VDR: variants seen among roughly 807,000 people sequenced by gnomAD.
VDR encodes vitamin D3 receptor.
In VDR, 19 loss-of-function variants were observed where a neutral mutation model predicts 39.7. The ratio of observed to expected loss-of-function variants is 0.48; its 90% CI spans 0.33 to 0.70. VDR has a LOEUF of 0.70. Ranked by LOEUF, VDR falls within the 30% of genes least tolerant of loss-of-function variation. VDR has a pLI of 0.02. For synonymous variants in VDR, 242 were observed against 215.8 expected (o/e 1.12, Z -1.07); for missense variants, 442 against 570.5 (o/e 0.77, Z 2.29).
chr12:47,898,021 G>A (rs761803969), intron 1 of VDR, among the ~76,000 whole-genome samples: 4 of 152,196 alleles, frequency 2.6e-5, no homozygotes, highest in Non-Finnish European at 4.4e-5. Flanking sequence ...TGAGCACATA[G>A]TATGGGCTCA....
At chr12:47,877,922 C>T (rs1946040917) in intron 3 of VDR, among the ~76,000 whole-genome samples, 1 of 152,216 alleles carries the variant, frequency 6.6e-6, no homozygotes, top group African/African-American at 2.4e-5. Context: ...CCATGAAACT[C>T]TGGGCCTGCT....
chr12:47,888,144 G>A (rs1946294529), intron 1 of VDR, among the ~76,000 whole-genome samples: 1 of 152,152 alleles, frequency 6.6e-6, no homozygotes, highest in South Asian at 2.1e-4. Flanking sequence ...TACGGAAGAA[G>A]CAAAAGTGGA....
At chr12:47,885,145 C>A (rs12721374) in intron 1 of VDR, among the ~76,000 whole-genome samples, 17 of 152,128 alleles carry the variant, frequency 1.1e-4, no homozygotes, top group African/African-American at 4.1e-4. Context: ...CCAGAGCAAC[C>A]CTCTCCTGAC....
intron 2 of VDR, 70 bp downstream of exon 2, chr12:47,882,624 C>CA: frequency 2.4e-6 from 1 of 422,404 alleles, no homozygotes; most frequent in Non-Finnish European, 4.3e-6. Context: ...CCTTCTTATG[C>CA]CCCTCCCCCC....
chr12:47,882,860 T>C lies in VDR; in HGVS notation c.-83-86A>G. 4 of 1,097,702 alleles carry C rather than the reference T, an allele frequency of 3.6e-6. 1 individual carries two copies. The South Asian group carries it at 5.6e-5, about 15-fold the overall frequency. 68.0% of individuals were successfully genotyped at this position (1,097,702 alleles called of 1,614,324 possible). On this transcript the variant is annotated intron_variant, in intron 1 of 9. Coordinates refer to ENST00000549336, the MANE Select transcript of VDR (RefSeq NM_000376.3). The stretch of plus-strand genomic sequence containing the variant: ...CTAAGGAAGTGGGCACGAGAGGCTC[T>C]TTCCAGGGACTTTAGTCCCCAGATC...
In VDR at chr12:47,883,620, G is replaced by GAC. The variant is rs149104045; in HGVS notation, c.-83-848_-83-847dup. 8.1e-4 allele frequency among the ~76,000 whole-genome samples: 123 copies of GAC among 151,934 alleles called. 2 individuals are homozygous for GAC. In the South Asian group the frequency reaches 0.013, roughly 16 times the overall value. On this transcript the variant is annotated intron_variant, in intron 1 of 9. Coordinates refer to ENST00000549336, the MANE Select transcript of VDR (RefSeq NM_000376.3). ...ACCTGCAGACATAGACAAACAGACAGACACACACACACACAAACACACAAA... is the reference window on the plus strand; with the variant it reads ...ACCTGCAGACATAGACAAACAGACAGACACACACACACACACAAACACACAAA...
chr12:47,865,476 A>G (rs1211426442), intron 3 of VDR, among the ~76,000 whole-genome samples: 1 of 151,900 alleles, frequency 6.6e-6, no homozygotes, highest in Non-Finnish European at 1.5e-5. Flanking sequence ...CAGTGGCATG[A>G]TCTCAGCTCA....
chr12:47,889,292 G>A (rs1056831800), intron 1 of VDR, among the ~76,000 whole-genome samples: 8 of 152,236 alleles, frequency 5.3e-5, no homozygotes, highest in African/African-American at 1.7e-4. Flanking sequence ...GCTTCAGGGC[G>A]AGGATGTGGT....
At position 47,844,424 on chromosome 12, in the gene VDR, T is replaced by G; in HGVS notation, c.*322A>C. On this transcript the variant is annotated 3_prime_UTR_variant, in exon 10 of 10. Coordinates refer to ENST00000549336, the MANE Select transcript of VDR (RefSeq NM_000376.3). ...CTCCTGTCTGTTCCCTCAACATCAG[T>G]CAGCAGCCACTTAGGCAGCGGTGGA... 1 of 521,420 alleles carries G rather than the reference T, an allele frequency of 1.9e-6. No individual in the cohort carries two copies. Among genetic ancestry groups the G allele is most frequent in the South Asian group, 2.2e-5 (1 of 45,064 alleles). 32.3% of individuals were successfully genotyped at this position (521,420 alleles called of 1,614,324 possible). A position where few individuals can be genotyped will look rare whatever the true frequency, so the allele number is the denominator to read the frequency against.
At chr12:47,846,622 A>C (rs753596403) in intron 8 of VDR, 35 bp downstream of exon 8, 1 of 1,611,904 alleles carries the variant, frequency 6.2e-7, no homozygotes, top group Non-Finnish European at 8.5e-7. Flanking sequence ...CTGGGAGCTG[A>C]AAAAGACTCC....
At chr12:47,869,466 G>A (rs1207047996) in intron 3 of VDR, among the ~76,000 whole-genome samples, 4 of 148,790 alleles carry the variant, frequency 2.7e-5, no homozygotes, top group South Asian at 4.4e-4. Flanking sequence ...AACCCGGGAG[G>A]TGGAGCTTGC....
rs1257780652 is a variant in VDR, at chr12:47,841,626, G to A, written c.*3120C>T. ...AGCCATTTTTATTACCATAAGCAAA[G>A]CTTTCTACATTGGTTGACTTGACAA... On this transcript the variant is annotated 3_prime_UTR_variant, in exon 10 of 10. Coordinates refer to ENST00000549336, the MANE Select transcript of VDR (RefSeq NM_000376.3). The A allele has an allele frequency of 2.0e-5, 3 of 152,336 alleles. No individual in the cohort carries two copies. Among genetic ancestry groups the A allele is most frequent in the African/African-American group, 4.8e-5 (2 of 41,440 alleles). 9.4% of individuals were successfully genotyped at this position (152,336 alleles called of 1,614,324 possible).
intron 1 of VDR, among the ~76,000 whole-genome samples, chr12:47,886,255 C>T (rs1162933650): frequency 6.6e-6 from 1 of 152,234 alleles, no homozygotes; most frequent in African/African-American, 2.4e-5. Flanking sequence ...TGTACTTGTG[C>T]GTACACACCC....
chr12:47,841,609 T>G lies in VDR; in HGVS notation c.*3137A>C, dbSNP rs1179553148. The stretch of plus-strand genomic sequence containing the variant: ...AGTGCTATATAAGTATGAGCCATTT[T>G]TATTACCATAAGCAAAGCTTTCTAC... On this transcript the variant is annotated 3_prime_UTR_variant, in exon 10 of 10. Coordinates refer to ENST00000549336, the MANE Select transcript of VDR (RefSeq NM_000376.3). 1 of 152,408 alleles carries G rather than the reference T, an allele frequency of 6.6e-6. No homozygotes were observed. Among genetic ancestry groups the G allele is most frequent in the East Asian group, 1.9e-4 (1 of 5,342 alleles). The allele number at this position is 152,408 out of a possible 1,614,324, so 9.4% of individuals were successfully genotyped here.
In VDR at chr12:47,843,763, T is replaced by A. The variant is rs1422292241; in HGVS notation, c.*983A>T. On this transcript the variant is annotated 3_prime_UTR_variant, in exon 10 of 10. Coordinates refer to ENST00000549336, the MANE Select transcript of VDR (RefSeq NM_000376.3). ...CCACATTGAGGCGGCAGGGAGATCA[T>A]GACTCAGCCGCTGGGGTCTGAAAAT... 1.3e-5 allele frequency: 2 copies of A among 152,254 alleles called. No individual in the cohort carries two copies. Among genetic ancestry groups the A allele is most frequent in the Non-Finnish European group, 2.9e-5 (2 of 68,056 alleles). The allele number at this position is 152,254 out of a possible 1,614,324, so 9.4% of individuals were successfully genotyped here. A position where few individuals can be genotyped will look rare whatever the true frequency, so the allele number is the denominator to read the frequency against.
At chr12:47,846,264 C>T (rs1945276857) in intron 9 of VDR, 71 bp downstream of exon 9, 1 of 1,406,810 alleles carries the variant, frequency 7.1e-7, no homozygotes, top group Admixed American at 1.7e-5. Flanking sequence ...CCAGCTGGCC[C>T]TCAGCAGGTC....
intron 3 of VDR, among the ~76,000 whole-genome samples, chr12:47,871,292 C>CTCTTTCTCTTTCTT (rs1555153495): frequency 5.0e-5 from 4 of 79,880 alleles, no homozygotes; most frequent in East Asian, 4.0e-4. Flanking sequence ...CTTTCTCTTT[C>CTCTTTCTCTTTCTT]TCTTTCTTTC....
At chr12:47,901,302 T>A (rs1301442158) in intron 1 of VDR, 2 of 155,136 alleles carry the variant, frequency 1.3e-5, no homozygotes, top group African/African-American at 4.8e-5. Context: ...ACCCTTTGCA[T>A]CTGGACCATG....
intron 1 of VDR, among the ~76,000 whole-genome samples, chr12:47,891,057 A>G (rs1449150036): frequency 6.6e-6 from 1 of 152,160 alleles, no homozygotes; most frequent in African/African-American, 2.4e-5. Context: ...TCTCTGAGTC[A>G]CGTAGACTCT....
Sources: allele counts gnomAD v4.1 joint callset (sites outside exome capture counted in the v4.1 genomes callset), GRCh38; gene constraint gnomAD v4.1.1; transcripts MANE v1.5; gene names NCBI Gene and HGNC (gene_info 2026-07-23, HGNC 2026-07-21).